Variants in PUS10 observed in about 807,000 individuals in gnomAD.
PUS10 encodes pseudouridine synthase 10.
In PUS10, 59 loss-of-function variants were observed where a neutral mutation model predicts 75.0. The observed-to-expected ratio is 0.79, with a 90% CI of 0.64 to 0.98. The LOEUF is 0.98. Among genes scored for constraint, PUS10 ranks in the 50% least tolerant of loss-of-function variants. The probability of loss-of-function intolerance (pLI) is 0.00; values close to 1 mark genes in which losing one functional copy is unlikely to be tolerated. For missense variants in PUS10, 650 were observed against 614.4 expected, an observed-to-expected ratio of 1.06 and a Z score of -0.61; for synonymous variants, 219 against 211.6, an observed-to-expected ratio of 1.03 and a Z score of -0.30.
intron 4 of PUS10, among the ~76,000 whole-genome samples, chr2:60,996,720 C>A (rs1678489132): frequency 6.6e-6 from 1 of 152,168 alleles, no homozygotes; most frequent in Non-Finnish European, 1.5e-5. Context: ...GTTTTCTCCT[C>A]TTTAAGTGAG....
chr2:60,960,149 CAAAAAA>C (rs559273848), intron 11 of PUS10, among the ~76,000 whole-genome samples: 8,038 of 88,258 alleles, frequency 0.091, 877 homozygotes, highest in African/African-American at 0.3. Context: ...CAGGCTCTCT[CAAAAAA>C]AAAAAAAAAA....
At position 61,005,262 on chromosome 2, in the gene PUS10, A is replaced by AAAAC. The variant is rs374994768; in HGVS notation, c.468+1291_468+1294dup. ...GGCAACAAGAACGAAACTCCGTCTC[A>AAAAC]AAACAAACAAACAAACAAACAAACA... On this transcript the variant is annotated intron_variant, in intron 4 of 17. Transcript: ENST00000316752. Among the ~76,000 whole-genome samples, 120 of 152,240 alleles carry AAAAC rather than the reference A, an allele frequency of 7.9e-4. 1 individual carries two copies. The highest frequency in any genetic ancestry group is 3.3e-3 in the South Asian group (16 of 4,820).
rs769390098 is a variant in PUS10, at chr2:61,018,157, G to C, written c.-165C>G. ...TACCTACCGCTTCTGTTTTCACTTT[G>C]ACAGAATGGCTTCTCTATCTTTAAA... On this transcript the variant is annotated 5_prime_UTR_variant, in exon 1 of 18. The change creates a premature stop within an existing upstream ORF in the 5' untranslated region. Transcript: ENST00000316752. 4 of 1,550,696 alleles carry C rather than the reference G, an allele frequency of 2.6e-6. No individual in the cohort carries two copies. The South Asian group carries it at 3.6e-5, about 14-fold the overall frequency.
chr2:60,953,175 C>G (rs1370697208), intron 14 of PUS10, 61 bp from the exon 15 acceptor site: 1 of 844,962 alleles, frequency 1.2e-6, no homozygotes, highest in Non-Finnish European at 2.0e-6. Flanking sequence ...AAACCTTGCC[C>G]TGAATTAGCC....
At chr2:60,962,256 C>T (rs2104341889) in intron 9 of PUS10, among the ~76,000 whole-genome samples, 1 of 152,200 alleles carries the variant, frequency 6.6e-6, no homozygotes, top group African/African-American at 2.4e-5. Context: ...ACACACTACC[C>T]TCTTCTAAAA....
chr2:60,942,337 T>C lies in PUS10; in HGVS notation c.*58A>G. The C allele has an allele frequency of 7.0e-7, 1 of 1,422,340 alleles. No homozygotes were observed. The allele number at this position is 1,422,340 out of a possible 1,614,324, so 88.1% of individuals were successfully genotyped here. On this transcript the variant is annotated 3_prime_UTR_variant, in exon 18 of 18. Coordinates refer to ENST00000316752, the MANE Select transcript of PUS10 (RefSeq NM_144709.4). ...TAAACAGCCATTTTACGGCATGTGC[T>C]CCATGGATGTCCACATCATGCCAGG...
chr2:60,977,951 A>G (rs1005672779), intron 4 of PUS10, among the ~76,000 whole-genome samples: 1 of 152,238 alleles, frequency 6.6e-6, no homozygotes, highest in Non-Finnish European at 1.5e-5. Flanking sequence ...CCCATGAACT[A>G]AGACAAAACG....
chr2:60,976,889 T>G (rs1677064009), intron 4 of PUS10, among the ~76,000 whole-genome samples: 1 of 152,008 alleles, frequency 6.6e-6, no homozygotes. Flanking sequence ...TTCTCTAGAG[T>G]AAACAAAAAA....
At chr2:60,973,646 C>G (rs1676837767) in intron 4 of PUS10, among the ~76,000 whole-genome samples, 1 of 152,248 alleles carries the variant, frequency 6.6e-6, no homozygotes, top group African/African-American at 2.4e-5. Flanking sequence ...ACAGCCAGGG[C>G]GCCATGAACA....
chr2:60,952,529 A>G (rs1193293633), intron 15 of PUS10, among the ~76,000 whole-genome samples: 1 of 152,196 alleles, frequency 6.6e-6, no homozygotes, highest in Non-Finnish European at 1.5e-5. Flanking sequence ...TAATCTCAGC[A>G]TCAGTTCTAT....
intron 4 of PUS10, among the ~76,000 whole-genome samples, chr2:60,991,607 C>T (rs549303234): frequency 1.3e-5 from 2 of 152,248 alleles, no homozygotes; most frequent in East Asian, 1.9e-4. Context: ...CAGGCATGCA[C>T]CACCATGTCC....
chr2:60,954,006 G>T lies in PUS10; in HGVS notation c.1135-18C>A. On this transcript the variant is annotated intron_variant, in intron 13 of 17. Transcript: ENST00000316752. The stretch of plus-strand genomic sequence containing the variant: ...TTAATTTTCTGTAGTAGCAGAAAAA[G>T]AAAAACAATTAGCAAGTCTAGCTCA... The T allele has an allele frequency of 6.2e-7, 1 of 1,612,428 alleles. No individual in the cohort carries two copies. Among genetic ancestry groups the T allele is most frequent in the Non-Finnish European group, 8.5e-7 (1 of 1,178,408 alleles).
At position 60,941,698 on chromosome 2, in the gene PUS10, A is replaced by C. The variant is rs1674634662; in HGVS notation, c.*697T>G. 1 of 152,266 alleles carries C rather than the reference A, an allele frequency of 6.6e-6. No individual in the cohort carries two copies. The highest frequency in any genetic ancestry group is 6.5e-5 in the Admixed American group (1 of 15,276). The allele number at this position is 152,266 out of a possible 1,614,324, so 9.4% of individuals were successfully genotyped here. ...TCTCCTTATTTAAAAGATTTATGAA[A>C]GGCTCCTACCATGGCATGCCTTGGC... On this transcript the variant is annotated 3_prime_UTR_variant, in exon 18 of 18. Transcript: ENST00000316752.
intron 5 of PUS10, among the ~76,000 whole-genome samples, chr2:60,970,190 T>G (rs1676572533): frequency 6.6e-6 from 1 of 152,222 alleles, no homozygotes; most frequent in South Asian, 2.1e-4. Flanking sequence ...AGCAAATTTC[T>G]AAAAACATAG....
intron 4 of PUS10, among the ~76,000 whole-genome samples, chr2:61,005,266 C>T (rs184913180): frequency 5.3e-5 from 8 of 151,206 alleles, no homozygotes; most frequent in East Asian, 2.0e-4. Context: ...CGTCTCAAAA[C>T]AAACAAACAA....
intron 4 of PUS10, among the ~76,000 whole-genome samples, chr2:60,988,920 G>A (rs889405602): frequency 6.6e-6 from 1 of 151,860 alleles, no homozygotes; most frequent in African/African-American, 2.4e-5. Context: ...GGGATTACAG[G>A]CATGAGCCCC....
chr2:61,017,975 G>C, intron 1 of PUS10, 33 bp downstream of exon 1: 1 of 1,322,188 alleles, frequency 7.6e-7, no homozygotes, highest in Non-Finnish European at 1.0e-6. Context: ...CCAACCTTGG[G>C]GATAGGGGCC....
intron 11 of PUS10, among the ~76,000 whole-genome samples, chr2:60,957,226 T>A (rs1207738633): frequency 6.6e-6 from 1 of 152,138 alleles, no homozygotes; most frequent in Non-Finnish European, 1.5e-5. Flanking sequence ...CTCATCCCCC[T>A]AAGAAACAGT....
intron 1 of PUS10, chr2:61,016,998 G>C (rs907956324): frequency 5.3e-5 from 8 of 152,098 alleles, no homozygotes; most frequent in Admixed American, 5.2e-4. Flanking sequence ...CTCAGTTTTC[G>C]CCAAGCAAGC....
Sources: allele counts gnomAD v4.1 joint callset (sites outside exome capture counted in the v4.1 genomes callset), GRCh38; gene constraint gnomAD v4.1.1; transcripts MANE v1.5; gene names NCBI Gene and HGNC (gene_info 2026-07-23, HGNC 2026-07-21).